Variants in RPS6KC1 observed in about 807,000 individuals in gnomAD.
RPS6KC1 encodes the protein ribosomal protein S6 kinase C1.
Under a neutral mutation model 103.8 loss-of-function variants are expected in RPS6KC1, and 54 were observed. That is an observed-to-expected ratio of 0.52 (90% CI 0.42 to 0.65). RPS6KC1 has a LOEUF of 0.65. Among genes scored for constraint, RPS6KC1 ranks in the 30% least tolerant of loss-of-function variants. RPS6KC1 has a pLI of 0.00. For missense variants in RPS6KC1, 1,151 were observed against 1,253.8 expected, an observed-to-expected ratio of 0.92 and a Z score of 1.24; for synonymous variants, 439 against 438.7, an observed-to-expected ratio of 1.00 and a Z score of -0.01.
the RPS6KC1 span, among the ~76,000 whole-genome samples, chr1:213,285,054 A>G: frequency 6.6e-6 from 1 of 152,230 alleles, no homozygotes; most frequent in African/African-American, 2.4e-5. Flanking sequence ...TTGGACTACT[A>G]TAACAAAGCG....
At chr1:213,577,760 T>G in the RPS6KC1 span, among the ~76,000 whole-genome samples, 3 of 152,216 alleles carry the variant, frequency 2.0e-5, no homozygotes, top group Admixed American at 6.5e-5. Flanking sequence ...GACTTGGCTG[T>G]TCTTAAAAAC....
intron 12 of RPS6KC1, among the ~76,000 whole-genome samples, chr1:213,257,642 TTTA>T (rs2094679814): frequency 6.6e-6 from 1 of 152,284 alleles, no homozygotes; most frequent in African/African-American, 2.4e-5. Context: ...TAGCTGCTAT[TTTA>T]TTATTGCTGC....
At chr1:213,323,562 T>C in the RPS6KC1 span, among the ~76,000 whole-genome samples, 9 of 152,190 alleles carry the variant, frequency 5.9e-5, no homozygotes, top group Admixed American at 3.3e-4. Context: ...CCAGGGTTCA[T>C]GCACAAACTG....
At chr1:213,815,157 G>T in the RPS6KC1 span, among the ~76,000 whole-genome samples, 1 of 151,982 alleles carries the variant, frequency 6.6e-6, no homozygotes, top group East Asian at 1.9e-4. Flanking sequence ...TTTTCCCTTT[G>T]CTTGGCACTT....
chr1:213,475,434 G>T, the RPS6KC1 span, among the ~76,000 whole-genome samples: 1 of 152,064 alleles, frequency 6.6e-6, no homozygotes, highest in Non-Finnish European at 1.5e-5. Flanking sequence ...GCTTGGGTGC[G>T]TGCTGTGCCC....
chr1:213,715,833 G>A, the RPS6KC1 span, among the ~76,000 whole-genome samples: 1 of 152,210 alleles, frequency 6.6e-6, no homozygotes, highest in Admixed American at 6.5e-5. Flanking sequence ...CTCCCTGTGA[G>A]CCCTTTTCCT....
At chr1:213,382,957 C>CA in the RPS6KC1 span, among the ~76,000 whole-genome samples, 2 of 152,312 alleles carry the variant, frequency 1.3e-5, no homozygotes, top group Admixed American at 6.5e-5. Context: ...TTATCATGGT[C>CA]AAATAAATCG....
chr1:213,770,192 A>C, the RPS6KC1 span, among the ~76,000 whole-genome samples: 1 of 152,180 alleles, frequency 6.6e-6, no homozygotes, highest in Non-Finnish European at 1.5e-5. Flanking sequence ...GGCCATGAGA[A>C]GCAAAGTGTC....
the RPS6KC1 span, among the ~76,000 whole-genome samples, chr1:213,647,899 A>C: frequency 1.8e-4 from 28 of 152,130 alleles, 1 homozygote; most frequent in Non-Finnish European, 4.0e-4. Flanking sequence ...ACATTTATTT[A>C]CTCGTGGATG....
chr1:213,827,645 C>T, the RPS6KC1 span, among the ~76,000 whole-genome samples: 33 of 152,274 alleles, frequency 2.2e-4, 1 homozygote, highest in South Asian at 6.8e-3. Context: ...GTGATGCATT[C>T]TTCAAGAATC....
At chr1:213,662,562 G>A in the RPS6KC1 span, among the ~76,000 whole-genome samples, 1 of 151,928 alleles carries the variant, frequency 6.6e-6, no homozygotes, top group Non-Finnish European at 1.5e-5. Flanking sequence ...ACAGGCGTGA[G>A]CCACTGCACC....
the RPS6KC1 span, among the ~76,000 whole-genome samples, chr1:213,455,222 G>A: frequency 1.3e-5 from 2 of 152,226 alleles, no homozygotes; most frequent in African/African-American, 2.4e-5. Context: ...TTCCCTGCAA[G>A]GAGGTGGAGG....
intron 12 of RPS6KC1, among the ~76,000 whole-genome samples, chr1:213,255,553 T>C (rs1321351807): frequency 6.6e-6 from 1 of 152,150 alleles, no homozygotes; most frequent in Non-Finnish European, 1.5e-5. Flanking sequence ...TCAGTGTTGT[T>C]GGTTTATGCT....
At chr1:213,591,590 G>A in the RPS6KC1 span, among the ~76,000 whole-genome samples, 1 of 152,262 alleles carries the variant, frequency 6.6e-6, no homozygotes, top group South Asian at 2.1e-4. Context: ...TGGAGTCCCT[G>A]TTGCCAGCCT....
chr1:213,365,553 A>G, the RPS6KC1 span, among the ~76,000 whole-genome samples: 2 of 152,250 alleles, frequency 1.3e-5, no homozygotes, highest in Non-Finnish European at 2.9e-5. Flanking sequence ...GGAGTGGTAT[A>G]TCAAAACCCG....
chr1:213,775,948 G>T, the RPS6KC1 span, among the ~76,000 whole-genome samples: 3 of 152,214 alleles, frequency 2.0e-5, no homozygotes, highest in East Asian at 1.9e-4. Context: ...TCTAACTCAA[G>T]AAACCACTTT....
chr1:213,765,114 C>T, the RPS6KC1 span, among the ~76,000 whole-genome samples: 1 of 152,196 alleles, frequency 6.6e-6, no homozygotes, highest in Admixed American at 6.5e-5. Flanking sequence ...AAGCTCCTTT[C>T]AGAGAGATGG....
the RPS6KC1 span, among the ~76,000 whole-genome samples, chr1:213,852,046 C>G: frequency 1.3e-5 from 2 of 152,194 alleles, no homozygotes; most frequent in African/African-American, 4.8e-5. Flanking sequence ...TTCCCACATA[C>G]TGCCCACTGT....
At chr1:213,842,317 G>A in the RPS6KC1 span, 1 of 152,132 alleles carries the variant, frequency 6.6e-6, no homozygotes, top group Non-Finnish European at 1.5e-5. Flanking sequence ...TTTGTAGGTT[G>A]AGTCCATTCA....
Sources: gnomAD v4.1 joint callset for allele counts (sites outside exome capture counted in the v4.1 genomes callset) on GRCh38, gnomAD v4.1.1 for gene constraint, MANE v1.5 for transcripts, NCBI Gene and HGNC (gene_info 2026-07-23, HGNC 2026-07-21) for gene names.